The following GPHN variants were observed in gnomAD, a reference collection of about 807,000 sequenced individuals.
GPHN encodes gephyrin.
GPHN carries 17 observed loss-of-function variants against 95.5 expected under a neutral mutation model. The observed-to-expected ratio is 0.18, with a 90% CI of 0.12 to 0.27. GPHN has a LOEUF of 0.27. Ranked by LOEUF, GPHN falls within the 10% of genes least tolerant of loss-of-function variation. The pLI, the probability that GPHN is intolerant of heterozygous loss-of-function variation, is 1.00. For synonymous variants in GPHN, 320 were observed against 322.5 expected (o/e 0.99, Z 0.08); for missense variants, 660 against 978.1 (o/e 0.67, Z 4.34).
At chr14:67,481,046 T>A in the GPHN span, among the ~76,000 whole-genome samples, 1 of 152,258 alleles carries the variant, frequency 6.6e-6, no homozygotes, top group East Asian at 1.9e-4. Context: ...GTCCCAGCAC[T>A]TTTGGAGGCT....
chr14:67,463,638 CAAAAAAAAAAAAA>C, the GPHN span, among the ~76,000 whole-genome samples: 2,328 of 55,002 alleles, frequency 0.042, 41 homozygotes, highest in Admixed American at 0.062. Context: ...GACTCCGTCT[CAAAAAAAAAAAAA>C]AAAAAAAAAA....
intron 19 of GPHN, among the ~76,000 whole-genome samples, chr14:67,160,315 G>A (rs568400829): frequency 6.6e-6 from 1 of 152,020 alleles, no homozygotes; most frequent in Non-Finnish European, 1.5e-5. Flanking sequence ...ATAAAGGCTT[G>A]ATTAAATTCA....
chr14:66,538,502 T>C (rs146240648), intron 1 of GPHN, among the ~76,000 whole-genome samples: 19 of 152,238 alleles, frequency 1.2e-4, no homozygotes, highest in African/African-American at 3.8e-4. Context: ...TGAGCTATTT[T>C]TTAAACTTAC....
intron 1 of GPHN, among the ~76,000 whole-genome samples, chr14:66,607,370 G>T (rs187333607): frequency 6.6e-6 from 1 of 151,726 alleles, no homozygotes; most frequent in East Asian, 1.9e-4. Context: ...GATTCATTTC[G>T]CTAGTTTTTT....
the GPHN span, among the ~76,000 whole-genome samples, chr14:67,707,216 T>C: frequency 2.6e-5 from 4 of 152,192 alleles, no homozygotes; most frequent in African/African-American, 9.7e-5. Flanking sequence ...TTTGAAGACT[T>C]GTAGCCAACA....
the GPHN span, among the ~76,000 whole-genome samples, chr14:67,345,112 C>T: frequency 6.6e-6 from 1 of 151,638 alleles, no homozygotes; most frequent in Admixed American, 6.6e-5. Flanking sequence ...TGTGATGGGG[C>T]ATGCCTATAG....
chr14:66,995,134 C>G (rs2071699161), intron 9 of GPHN, among the ~76,000 whole-genome samples: 1 of 152,166 alleles, frequency 6.6e-6, no homozygotes, highest in African/African-American at 2.4e-5. Flanking sequence ...AGAATACATA[C>G]TTAACAACTT....
chr14:67,137,142 C>G (rs1391790952), intron 17 of GPHN, among the ~76,000 whole-genome samples: 1 of 150,438 alleles, frequency 6.6e-6, no homozygotes, highest in Non-Finnish European at 1.5e-5. Context: ...GGTGACAGAG[C>G]AAGAATCTGT....
At chr14:67,439,532 AGTTT>A in the GPHN span, among the ~76,000 whole-genome samples, 55 of 126,832 alleles carry the variant, frequency 4.3e-4, no homozygotes, top group African/African-American at 1.5e-3. Flanking sequence ...GAAATTCAAT[AGTTT>A]CTTTCTTTCT....
chr14:66,649,341 A>C (rs1566760137), intron 1 of GPHN, among the ~76,000 whole-genome samples: 1 of 151,948 alleles, frequency 6.6e-6, no homozygotes, highest in Non-Finnish European at 1.5e-5. Context: ...CTCTTAAAAA[A>C]AAAAACAAAA....
At chr14:67,058,535 T>A in intron 10 of GPHN, 114 bp from the exon 11 acceptor site, 1 of 909,908 alleles carries the variant, frequency 1.1e-6, no homozygotes, top group Non-Finnish European at 1.8e-6. Flanking sequence ...GTTTCTTACC[T>A]GCTAATCTTC....
the GPHN span, among the ~76,000 whole-genome samples, chr14:67,667,813 G>A: frequency 6.6e-6 from 1 of 152,074 alleles, no homozygotes; most frequent in Admixed American, 6.5e-5. Flanking sequence ...GCGTGGTGGT[G>A]GGCGCCTGTA....
At chr14:67,431,419 A>C in the GPHN span, among the ~76,000 whole-genome samples, 16 of 133,832 alleles carry the variant, frequency 1.2e-4, no homozygotes, top group African/African-American at 3.6e-4. Context: ...AAAAAAAAAA[A>C]AACGGTTTAG....
chr14:67,339,950 A>G, the GPHN span: 1 of 152,610 alleles, frequency 6.6e-6, no homozygotes, highest in Non-Finnish European at 1.5e-5. Context: ...AAGTACAAAA[A>G]AATTATCCAG....
the GPHN span, among the ~76,000 whole-genome samples, chr14:67,567,722 TA>T: frequency 6.6e-6 from 1 of 152,094 alleles, no homozygotes; most frequent in African/African-American, 2.4e-5. Flanking sequence ...GACACCCTGA[TA>T]GGCACCCACC....
chr14:66,579,674 C>A (rs1417740773), intron 1 of GPHN, among the ~76,000 whole-genome samples: 1 of 151,708 alleles, frequency 6.6e-6, no homozygotes, highest in Admixed American at 6.6e-5. Flanking sequence ...AACAGATATG[C>A]ACCCAATATC....
At chr14:66,786,547 G>C (rs1052401990) in intron 3 of GPHN, among the ~76,000 whole-genome samples, 6 of 152,034 alleles carry the variant, frequency 3.9e-5, no homozygotes, top group African/African-American at 9.7e-5. Context: ...CTAGTATAAT[G>C]TTGATACCAA....
At chr14:67,600,290 G>T in the GPHN span, 2 of 1,189,186 alleles carry the variant, frequency 1.7e-6, no homozygotes, top group Non-Finnish European at 2.3e-6. Flanking sequence ...ACCCGCTTCC[G>T]GCAGCCGCGT....
chr14:67,483,674 T>G, the GPHN span, among the ~76,000 whole-genome samples: 27 of 152,270 alleles, frequency 1.8e-4, no homozygotes, highest in South Asian at 5.4e-3. Flanking sequence ...CCCCAAGGCA[T>G]GCGCCATTCA....
Sources: gnomAD v4.1 joint callset for allele counts (sites outside exome capture counted in the v4.1 genomes callset) on GRCh38, gnomAD v4.1.1 for gene constraint, MANE v1.5 for transcripts, NCBI Gene and HGNC (gene_info 2026-07-23, HGNC 2026-07-21) for gene names.